Variants in RYR3 observed in about 807,000 individuals in gnomAD.
RYR3 encodes the protein ryanodine receptor 3, also known as brain ryanodine receptor-calcium release channel.
RYR3 carries 207 observed loss-of-function variants against 584.3 expected under a neutral mutation model. The observed-to-expected ratio is 0.35, with a 90% CI of 0.32 to 0.40. The LOEUF is 0.40. Among genes scored for constraint, RYR3 ranks in the 10% least tolerant of loss-of-function variants. The probability of loss-of-function intolerance (pLI) is 1.00; values close to 1 mark genes in which losing one functional copy is unlikely to be tolerated. For synonymous variants in RYR3, 2,416 were observed against 2,248.5 expected (o/e 1.07, Z -2.11); for missense variants, 5,616 against 6,089.2 (o/e 0.92, Z 2.59).
At chr15:33,749,036 A>G (rs1050754699) in intron 55 of RYR3, among the ~76,000 whole-genome samples, 1 of 152,240 alleles carries the variant, frequency 6.6e-6, no homozygotes, top group African/African-American at 2.4e-5. Context: ...CATGTTCAGT[A>G]CAGACACATT....
At chr15:33,450,629 G>C (rs1374525914) in intron 1 of RYR3, among the ~76,000 whole-genome samples, 1 of 151,222 alleles carries the variant, frequency 6.6e-6, no homozygotes, top group Non-Finnish European at 1.5e-5. Context: ...TACAATGTCA[G>C]CTTATGGGCT....
At chr15:33,660,900 C>T (rs1231846913) in intron 34 of RYR3, among the ~76,000 whole-genome samples, 2 of 152,102 alleles carry the variant, frequency 1.3e-5, no homozygotes. Flanking sequence ...TTCATCTACA[C>T]AGTGAGAGAA....
intron 32 of RYR3, 45 bp downstream of exon 32, chr15:33,652,928 G>T (rs776944254): frequency 1.9e-6 from 3 of 1,554,442 alleles, no homozygotes; most frequent in Non-Finnish European, 1.7e-6. Context: ...CCCAGGCCTG[G>T]TGTTTATCAC....
intron 64 of RYR3, among the ~76,000 whole-genome samples, chr15:33,774,741 G>C (rs1057216725): frequency 6.6e-6 from 1 of 152,056 alleles, no homozygotes; most frequent in African/African-American, 2.4e-5. Context: ...TTTCCTTACT[G>C]TTTTACATAA....
At chr15:33,312,644 G>C (rs567820398) in intron 1 of RYR3, among the ~76,000 whole-genome samples, 97 of 152,242 alleles carry the variant, frequency 6.4e-4, no homozygotes, top group African/African-American at 2.2e-3. Context: ...TTTCTGCCTT[G>C]TGTCCTCCAT....
At chr15:33,584,318 A>C (rs2058735513) in intron 14 of RYR3, 77 bp from the exon 15 acceptor site, 1 of 737,852 alleles carries the variant, frequency 1.4e-6, no homozygotes, top group Admixed American at 2.4e-5. Flanking sequence ...CAAGTGAAAT[A>C]TTCGACAGCT....
chr15:33,602,481 G>A (rs1005223912), intron 17 of RYR3, among the ~76,000 whole-genome samples: 18 of 152,016 alleles, frequency 1.2e-4, no homozygotes, highest in Admixed American at 4.6e-4. Flanking sequence ...CTGAAAATAA[G>A]GGTGCTTATA....
chr15:33,673,530 T>G (rs1210012511), intron 38 of RYR3, among the ~76,000 whole-genome samples: 1 of 152,238 alleles, frequency 6.6e-6, no homozygotes, highest in African/African-American at 2.4e-5. Context: ...TAAGTCACTT[T>G]TTTTTCGTAT....
chr15:33,793,165 C>T (rs984902397), intron 67 of RYR3, among the ~76,000 whole-genome samples: 6 of 152,212 alleles, frequency 3.9e-5, no homozygotes, highest in African/African-American at 1.4e-4. Flanking sequence ...AACTCAGGAA[C>T]ATTCAAATGG....
intron 88 of RYR3, 142 bp from the exon 89 acceptor site, chr15:33,837,489 G>A (rs201493731): frequency 1.1e-6 from 1 of 870,588 alleles, no homozygotes; most frequent in Non-Finnish European, 1.7e-6. Flanking sequence ...TTTATGGCTT[G>A]CTGCTCCCTC....
intron 1 of RYR3, among the ~76,000 whole-genome samples, chr15:33,415,791 G>A (rs900766775): frequency 2.6e-5 from 4 of 152,094 alleles, no homozygotes; most frequent in Non-Finnish European, 5.9e-5. Flanking sequence ...TTTGGGTCTC[G>A]AATGACCCCA....
At chr15:33,400,950 G>A (rs1254568113) in intron 1 of RYR3, among the ~76,000 whole-genome samples, 4 of 152,168 alleles carry the variant, frequency 2.6e-5, no homozygotes, top group Non-Finnish European at 5.9e-5. Context: ...GGGTAAATTT[G>A]CAATACAACA....
At chr15:33,636,045 C>G (rs542560137) in intron 26 of RYR3, among the ~76,000 whole-genome samples, 1 of 152,288 alleles carries the variant, frequency 6.6e-6, no homozygotes, top group Admixed American at 6.5e-5. Context: ...ACCTTCATAT[C>G]TACTTTTGCA....
At chr15:33,733,267 G>A (rs1409192957) in intron 48 of RYR3, among the ~76,000 whole-genome samples, 1 of 152,176 alleles carries the variant, frequency 6.6e-6, no homozygotes, top group Non-Finnish European at 1.5e-5. Context: ...AAATGAGTTG[G>A]AAACTTATGT....
chr15:33,808,144 AG>A (rs1222348688), intron 70 of RYR3, among the ~76,000 whole-genome samples: 4 of 152,222 alleles, frequency 2.6e-5, no homozygotes, highest in African/African-American at 9.7e-5. Flanking sequence ...TATGCAGTGA[AG>A]AAGGGGAGAT....
intron 9 of RYR3, 71 bp downstream of exon 9, chr15:33,548,275 TTTCA>T (rs2141222203): frequency 1.1e-6 from 1 of 913,188 alleles, no homozygotes; most frequent in South Asian, 1.6e-5. Flanking sequence ...CTCTTAAATA[TTTCA>T]TTCATTCCAC....
At chr15:33,746,536 T>C (rs12916251) in intron 53 of RYR3, among the ~76,000 whole-genome samples, 88,716 of 151,860 alleles carry the variant, frequency 0.58, 26,476 homozygotes, top group East Asian at 0.88. Flanking sequence ...TGGTGGCTCA[T>C]GCCTGTAATC....
At chr15:33,744,267 C>A (rs112025945) in intron 52 of RYR3, among the ~76,000 whole-genome samples, 2 of 152,298 alleles carry the variant, frequency 1.3e-5, no homozygotes, top group African/African-American at 4.8e-5. Context: ...ACTTTCGTAG[C>A]ACGCTTAGGT....
intron 1 of RYR3, among the ~76,000 whole-genome samples, chr15:33,469,315 A>G (rs530232895): frequency 2.0e-5 from 3 of 152,272 alleles, no homozygotes; most frequent in African/African-American, 4.8e-5. Flanking sequence ...AGTTAGGATG[A>G]TAGTTTGGAA....
Sources: gnomAD v4.1 joint callset for allele counts (sites outside exome capture counted in the v4.1 genomes callset) on GRCh38, gnomAD v4.1.1 for gene constraint, MANE v1.5 for transcripts, NCBI Gene and HGNC (gene_info 2026-07-23, HGNC 2026-07-21) for gene names.